SEC63: variants seen among roughly 807,000 people sequenced by gnomAD.
SEC63 encodes SEC63 protein translocation regulator.
A neutral mutation model predicts 116.2 loss-of-function variants in SEC63; 56 were observed. That is an observed-to-expected ratio of 0.48 (90% CI 0.39 to 0.60). The LOEUF (loss-of-function observed/expected upper bound fraction) is 0.60, where lower values mean the gene tolerates loss of function less well. SEC63 is among the 20% of genes least tolerant of loss of function. The pLI, the probability that SEC63 is intolerant of heterozygous loss-of-function variation, is 0.00. For synonymous variants in SEC63, 273 were observed against 294.6 expected (o/e 0.93, Z 0.75); for missense variants, 668 against 900.0 (o/e 0.74, Z 3.30).
At chr6:107,942,433 A>C (rs1770396650) in intron 1 of SEC63, among the ~76,000 whole-genome samples, 1 of 152,156 alleles carries the variant, frequency 6.6e-6, no homozygotes, top group Non-Finnish European at 1.5e-5. Flanking sequence ...GCACTATATA[A>C]ATATTTCTTG....
chr6:107,949,053 AGCC>A (rs1387872080), intron 1 of SEC63, among the ~76,000 whole-genome samples: 2 of 152,200 alleles, frequency 1.3e-5, no homozygotes, highest in African/African-American at 4.8e-5. Flanking sequence ...TTGATTTTTC[AGCC>A]AATCTTCAGA....
rs535902903 is a variant in SEC63, at chr6:107,917,899, C to G, written c.452+3898G>C. 1.1e-4 allele frequency among the ~76,000 whole-genome samples: 16 copies of G among 152,316 alleles called. No homozygotes were observed. In the East Asian group the frequency reaches 1.9e-3, roughly 18 times the overall value. ...AGCTGCAGCAAGTTATCCAGAAGAT[C>G]TAGCTAAGATCACAATGAAGGTGGC... is the stretch of plus-strand genomic sequence containing the variant. On this transcript the variant is annotated intron_variant, in intron 4 of 20. Coordinates refer to ENST00000369002, the MANE Select transcript of SEC63 (RefSeq NM_007214.5).
intron 19 of SEC63, among the ~76,000 whole-genome samples, chr6:107,873,475 T>C (rs1786182569): frequency 6.6e-6 from 1 of 152,202 alleles, no homozygotes; most frequent in South Asian, 2.1e-4. Flanking sequence ...TGATCTGCTC[T>C]AGTGATCTGC....
rs1291624285 is a variant in SEC63 at position 107,871,815 on chromosome 6, T to C, written c.2172A>G (p.Glu724=). 4 of 1,613,802 alleles carry C rather than the reference T, an allele frequency of 2.5e-6. No homozygotes were observed. Among genetic ancestry groups the C allele is most frequent in the Non-Finnish European group, 3.4e-6 (4 of 1,179,748 alleles). ...TTGCTGTATCCCACTGTGGGTGATTTTCTGGCACAGGCTTAGCCTCATGAA... is the reference window on the plus strand; with the variant it reads ...TTGCTGTATCCCACTGTGGGTGATTCTCTGGCACAGGCTTAGCCTCATGAA... ...LEVHEAKPVP[E]NHPQWDTAIE... is the part of the protein sequence containing the mutation. The change falls in exon 21 of 21, where the codon GAA becomes GAG. Residue 724 remains glutamate (E), a synonymous_variant. Transcript: ENST00000369002.
At chr6:107,901,284 C>T in intron 13 of SEC63, 86 bp downstream of exon 13, 1 of 1,265,384 alleles carries the variant, frequency 7.9e-7, no homozygotes, top group Non-Finnish European at 1.2e-6. Flanking sequence ...TTATTAAGTA[C>T]AGTGTTTTGA....
At chr6:107,923,989 G>A (rs1040304708) in intron 3 of SEC63, among the ~76,000 whole-genome samples, 1 of 152,192 alleles carries the variant, frequency 6.6e-6, no homozygotes, top group Non-Finnish European at 1.5e-5. Flanking sequence ...TTTAGGCTGG[G>A]CACGGTGGCT....
At chr6:107,919,849 G>C (rs950259578) in intron 4 of SEC63, among the ~76,000 whole-genome samples, 7 of 151,546 alleles carry the variant, frequency 4.6e-5, no homozygotes, top group Non-Finnish European at 1.0e-4. Flanking sequence ...AGAAAACAAA[G>C]AAGTTCTGTC....
intron 10 of SEC63, among the ~76,000 whole-genome samples, chr6:107,905,861 TTA>T: frequency 9.5e-5 from 1 of 10,554 alleles, no homozygotes; most frequent in South Asian, 0.015. Context: ...AACGTCTGAC[TTA>T]CTTAGATCTT....
chr6:107,913,731 C>T (rs1433968237), intron 4 of SEC63, among the ~76,000 whole-genome samples: 3 of 152,180 alleles, frequency 2.0e-5, no homozygotes, highest in Non-Finnish European at 4.4e-5. Context: ...TTAAAGGCAA[C>T]TACATTTTCT....
chr6:107,936,690 C>T (rs1770253833), intron 1 of SEC63, among the ~76,000 whole-genome samples: 1 of 152,188 alleles, frequency 6.6e-6, no homozygotes, highest in African/African-American at 2.4e-5. Context: ...TATGGCTGTG[C>T]TTCATAAACC....
intron 10 of SEC63, 136 bp from the exon 11 acceptor site, chr6:107,904,857 G>A (rs907792939): frequency 2.7e-6 from 2 of 747,104 alleles, no homozygotes; most frequent in Non-Finnish European, 4.7e-6. Flanking sequence ...CAGATTGAAT[G>A]GAAGAGTTTC....
At position 107,868,379 on chromosome 6, in the gene SEC63, G is replaced by A. The variant is rs1786048667; in HGVS notation, c.*3325C>T. 6.6e-6 allele frequency: 1 copy of A among 152,168 alleles called. No individual in the cohort carries two copies. Among genetic ancestry groups the A allele is most frequent in the South Asian group, 2.1e-4 (1 of 4,828 alleles). The allele number at this position is 152,168 out of a possible 1,614,324, so 9.4% of individuals were successfully genotyped here. On this transcript the variant is annotated 3_prime_UTR_variant, in exon 21 of 21. Coordinates refer to ENST00000369002, the MANE Select transcript of SEC63 (RefSeq NM_007214.5). The stretch of plus-strand genomic sequence containing the variant: ...TGATCACTTGAGGCCAGGAGTTCGA[G>A]ACCAGGCTGGACAACGTGGCAAAAT...
intron 2 of SEC63, 48 bp downstream of exon 2, chr6:107,929,367 C>T: frequency 1.1e-6 from 1 of 949,918 alleles, no homozygotes; most frequent in Admixed American, 1.7e-5. Context: ...TATGACCTAG[C>T]AAAGAGTAAG....
rs1425926527 is a variant in SEC63, at chr6:107,869,281, A to G, written c.*2423T>C. The G allele has an allele frequency of 6.6e-6, 1 of 152,222 alleles. No individual in the cohort carries two copies. Among genetic ancestry groups the G allele is most frequent in the African/African-American group, 2.4e-5 (1 of 41,444 alleles). 9.4% of individuals were successfully genotyped at this position (152,222 alleles called of 1,614,324 possible). A position where few individuals can be genotyped will look rare whatever the true frequency, so the allele number is the denominator to read the frequency against. On this transcript the variant is annotated 3_prime_UTR_variant, in exon 21 of 21. Transcript: ENST00000369002. ...TCTGAGATTGAGATATTAACACCTC[A>G]GGGCCTCAATCAAATATTATAATGC...
chr6:107,889,965 T>C (rs144070212), intron 16 of SEC63, among the ~76,000 whole-genome samples: 2 of 152,340 alleles, frequency 1.3e-5, no homozygotes, highest in Non-Finnish European at 2.9e-5. Context: ...ATAATTTCTG[T>C]TCTTTCACAT....
At chr6:107,946,643 A>ACCC (rs1249903210) in intron 1 of SEC63, among the ~76,000 whole-genome samples, 1 of 152,148 alleles carries the variant, frequency 6.6e-6, no homozygotes, top group Admixed American at 6.5e-5. Flanking sequence ...TGTCTGATAC[A>ACCC]CCCCTCTGTC....
intron 1 of SEC63, 33 bp from the exon 2 acceptor site, chr6:107,929,547 A>G (rs749219696): frequency 1.2e-5 from 15 of 1,291,730 alleles, no homozygotes; most frequent in Non-Finnish European, 1.6e-5. Flanking sequence ...TGAATTAAAA[A>G]CCATTTTTCA....
intron 7 of SEC63, 194 bp downstream of exon 7, chr6:107,911,152 T>TGGG (rs1201248093): frequency 8.5e-6 from 5 of 589,020 alleles, no homozygotes; most frequent in African/African-American, 5.6e-5. Flanking sequence ...AGTGCAGAGG[T>TGGG]GGGGTCATGG....
At chr6:107,935,036 T>G (rs1583769344) in intron 1 of SEC63, among the ~76,000 whole-genome samples, 2 of 106,152 alleles carry the variant, frequency 1.9e-5, no homozygotes, top group African/African-American at 7.5e-5. Flanking sequence ...GTCCGGGAGG[T>G]GAGGGGCGCC....
Sources: gnomAD v4.1 joint callset for allele counts (sites outside exome capture counted in the v4.1 genomes callset) on GRCh38, gnomAD v4.1.1 for gene constraint, MANE v1.5 for transcripts, NCBI Gene and HGNC (gene_info 2026-07-23, HGNC 2026-07-21) for gene names.